The following CCDC85A variants were observed in gnomAD, a reference collection of about 807,000 sequenced individuals.
CCDC85A encodes the protein coiled-coil domain-containing protein 85A.
CCDC85A carries 38 observed loss-of-function variants against 50.2 expected under a neutral mutation model. The ratio of observed to expected loss-of-function variants is 0.76; its 90% CI spans 0.58 to 0.99. The LOEUF is 0.99. Ranked by LOEUF, CCDC85A falls within the 50% of genes least tolerant of loss-of-function variation. CCDC85A has a pLI of 0.00. For synonymous variants in CCDC85A, 366 were observed against 301.4 expected, an observed-to-expected ratio of 1.21 and a Z score of -2.22; for missense variants, 820 against 742.0, an observed-to-expected ratio of 1.11 and a Z score of -1.22.
chr2:56,236,319 A>T (rs1455523874), intron 2 of CCDC85A, among the ~76,000 whole-genome samples: 1 of 152,170 alleles, frequency 6.6e-6, no homozygotes, highest in East Asian at 1.9e-4. Context: ...ATGGCCATTG[A>T]AAAAGGTTAG....
intron 3 of CCDC85A, among the ~76,000 whole-genome samples, chr2:56,349,574 C>T (rs1674800652): frequency 6.6e-6 from 1 of 152,090 alleles, no homozygotes; most frequent in East Asian, 1.9e-4. Flanking sequence ...TAACATTCTT[C>T]AGAGATTTCC....
intron 2 of CCDC85A, among the ~76,000 whole-genome samples, chr2:56,290,716 A>G (rs929628392): frequency 6.6e-6 from 1 of 152,250 alleles, no homozygotes; most frequent in African/African-American, 2.4e-5. Flanking sequence ...ACTGTGAACC[A>G]AAAGGACATC....
chr2:56,193,421 T>C lies in CCDC85A; in HGVS notation c.1221T>C (p.Asn407=). The change falls in exon 2 of 6, where the codon AAT becomes AAC. Residue 407 remains asparagine, a synonymous_variant. Coordinates refer to ENST00000407595, the MANE Select transcript of CCDC85A (RefSeq NM_001080433.2). The part of the protein sequence containing the change: ...AQEDGSPHHR[N]VYSGMNESTL... ...AGGACGGGTCACCCCATCACCGGAA[T>C]GTCTACAGTGGCATGAACGGTGGGT... is the stretch of plus-strand genomic sequence containing the variant. 1 of 1,608,296 alleles carries C rather than the reference T, an allele frequency of 6.2e-7. No individual in the cohort carries two copies. Among genetic ancestry groups the C allele is most frequent in the Non-Finnish European group, 8.5e-7 (1 of 1,177,452 alleles).
At chr2:56,321,925 G>A (rs1237347193) in intron 2 of CCDC85A, among the ~76,000 whole-genome samples, 1 of 152,190 alleles carries the variant, frequency 6.6e-6, no homozygotes, top group Non-Finnish European at 1.5e-5. Flanking sequence ...AAACAGCGTG[G>A]TACTGGTACC....
At chr2:56,323,045 C>G (rs140824768) in intron 2 of CCDC85A, among the ~76,000 whole-genome samples, 1 of 152,014 alleles carries the variant, frequency 6.6e-6, no homozygotes, top group Non-Finnish European at 1.5e-5. Context: ...GTTGCAAGGA[C>G]AGAAAACCAA....
At chr2:56,222,608 G>A (rs1490404320) in intron 2 of CCDC85A, among the ~76,000 whole-genome samples, 2 of 152,060 alleles carry the variant, frequency 1.3e-5, no homozygotes, top group Non-Finnish European at 2.9e-5. Flanking sequence ...ATGGGTAATC[G>A]AGCCATGGAG....
intron 2 of CCDC85A, among the ~76,000 whole-genome samples, chr2:56,328,572 T>C (rs1053485516): frequency 5.9e-5 from 9 of 152,198 alleles, no homozygotes; most frequent in African/African-American, 2.2e-4. Context: ...TTATTCTGCA[T>C]CTTCCCTTCC....
At chr2:56,384,197 C>T (rs1312391053) in intron 5 of CCDC85A, 69 bp from the exon 6 acceptor site, 9 of 1,391,796 alleles carry the variant, frequency 6.5e-6, no homozygotes, top group Non-Finnish European at 8.1e-6. Flanking sequence ...TTAATTTACC[C>T]TTAAGAAATG....
chr2:56,314,654 G>A (rs1304202828), intron 2 of CCDC85A, among the ~76,000 whole-genome samples: 4 of 152,090 alleles, frequency 2.6e-5, no homozygotes, highest in African/African-American at 7.2e-5. Flanking sequence ...GATTTGGTGA[G>A]GGATTCTGGA....
intron 2 of CCDC85A, among the ~76,000 whole-genome samples, chr2:56,326,124 A>G (rs1004829005): frequency 5.3e-5 from 8 of 152,264 alleles, no homozygotes; most frequent in African/African-American, 1.7e-4. Flanking sequence ...GTTCTCCAGC[A>G]GTGAGGACTA....
intron 2 of CCDC85A, among the ~76,000 whole-genome samples, chr2:56,326,099 C>G (rs966028425): frequency 1.3e-5 from 2 of 152,112 alleles, no homozygotes; most frequent in Non-Finnish European, 2.9e-5. Context: ...TACTTTGTCT[C>G]TCTGCAGCAT....
At chr2:56,375,734 A>G in intron 4 of CCDC85A, 82 bp from the exon 5 acceptor site, 1 of 1,390,486 alleles carries the variant, frequency 7.2e-7, no homozygotes, top group South Asian at 1.2e-5. Flanking sequence ...CTCATTTGGT[A>G]GTGAAATTGA....
At chr2:56,248,544 G>A (rs1391888778) in intron 2 of CCDC85A, among the ~76,000 whole-genome samples, 1 of 152,182 alleles carries the variant, frequency 6.6e-6, no homozygotes, top group African/African-American at 2.4e-5. Flanking sequence ...TCCCACTGTG[G>A]CAATTGACTC....
At position 56,375,800 on chromosome 2, in the gene CCDC85A, T is replaced by A. The variant is rs1676304586; in HGVS notation, c.1453-16T>A. On this transcript the variant is annotated splice_polypyrimidine_tract_variant and intron_variant, in intron 4 of 5. Transcript: ENST00000407595. ...GACTTTTGTTTTAATAACAAAGTTG[T>A]TGATTTTCTACTAAGGGTTCTTTTA... The A allele has an allele frequency of 6.2e-7, 1 of 1,611,978 alleles. No individual in the cohort carries two copies. The highest frequency in any genetic ancestry group is 1.7e-5 in the Admixed American group (1 of 59,504).
At chr2:56,275,828 C>T (rs1009630010) in intron 2 of CCDC85A, among the ~76,000 whole-genome samples, 7 of 152,182 alleles carry the variant, frequency 4.6e-5, no homozygotes, top group African/African-American at 1.4e-4. Flanking sequence ...AAGCAAAAGC[C>T]AAATCCTTTC....
At chr2:56,188,326 G>A (rs1456452514) in intron 1 of CCDC85A, among the ~76,000 whole-genome samples, 1 of 152,204 alleles carries the variant, frequency 6.6e-6, no homozygotes. Flanking sequence ...ATAATAGAAA[G>A]AGGGAACTGT....
intron 2 of CCDC85A, among the ~76,000 whole-genome samples, chr2:56,194,920 A>C (rs1676466273): frequency 6.7e-6 from 1 of 149,294 alleles, no homozygotes; most frequent in South Asian, 2.1e-4. Flanking sequence ...CAAGAGATGC[A>C]AGTCATTTAA....
At chr2:56,218,088 C>T (rs956831832) in intron 2 of CCDC85A, among the ~76,000 whole-genome samples, 1 of 151,708 alleles carries the variant, frequency 6.6e-6, no homozygotes, top group African/African-American at 2.4e-5. Flanking sequence ...AAAACAAAAA[C>T]AACAGGAAAT....
At chr2:56,212,470 TG>T (rs1368231202) in intron 2 of CCDC85A, among the ~76,000 whole-genome samples, 2 of 152,032 alleles carry the variant, frequency 1.3e-5, no homozygotes, top group Non-Finnish European at 2.9e-5. Context: ...GAGGACCCTT[TG>T]GCTTTGTAGT....
Sources: gnomAD v4.1 joint callset for allele counts (sites outside exome capture counted in the v4.1 genomes callset) on GRCh38, gnomAD v4.1.1 for gene constraint, MANE v1.5 for transcripts, NCBI Gene and HGNC (gene_info 2026-07-23, HGNC 2026-07-21) for gene names.